SRPK2: variants seen among roughly 807,000 people sequenced by gnomAD.
SRPK2 encodes the protein SFRS protein kinase 2.
A neutral mutation model predicts 90.8 loss-of-function variants in SRPK2; 21 were observed. The observed-to-expected ratio is 0.23, with a 90% CI of 0.16 to 0.33. The LOEUF (loss-of-function observed/expected upper bound fraction) is 0.33, where lower values mean the gene tolerates loss of function less well. Among genes scored for constraint, SRPK2 ranks in the 10% least tolerant of loss-of-function variants. The pLI, the probability that SRPK2 is intolerant of heterozygous loss-of-function variation, is 1.00. For synonymous variants in SRPK2, 288 were observed against 311.1 expected (o/e 0.93, Z 0.78); for missense variants, 620 against 869.0 (o/e 0.71, Z 3.60).
chr7:105,325,538 T>C (rs1366071531), intron 2 of SRPK2, among the ~76,000 whole-genome samples: 1 of 114,260 alleles, frequency 8.8e-6, no homozygotes, highest in African/African-American at 3.4e-5. Flanking sequence ...CATTTTCCCC[T>C]AGTTTCTCAA....
At chr7:105,309,391 A>G (rs1250237868) in intron 2 of SRPK2, among the ~76,000 whole-genome samples, 2 of 152,230 alleles carry the variant, frequency 1.3e-5, no homozygotes, top group Non-Finnish European at 2.9e-5. Context: ...TCATTAAAGT[A>G]TCCTAGGATA....
intron 2 of SRPK2, among the ~76,000 whole-genome samples, chr7:105,276,124 G>A (rs530920700): frequency 2.6e-5 from 4 of 151,640 alleles, no homozygotes; most frequent in Admixed American, 6.6e-5. Flanking sequence ...CTCTGTCACC[G>A]AAGCTGGAGT....
At chr7:105,255,184 G>C (rs189289638) in intron 2 of SRPK2, among the ~76,000 whole-genome samples, 3 of 150,572 alleles carry the variant, frequency 2.0e-5, no homozygotes, top group African/African-American at 7.3e-5. Context: ...GAAAAGGTTT[G>C]GTTCTACCGG....
At chr7:105,139,866 A>C (rs555910579) in intron 11 of SRPK2, among the ~76,000 whole-genome samples, 1 of 151,580 alleles carries the variant, frequency 6.6e-6, no homozygotes, top group Non-Finnish European at 1.5e-5. Context: ...ACAGTTATTA[A>C]GTTTTGAGCT....
At chr7:105,389,069 C>T (rs1375454278), upstream of SRPK2, 14 of 967,600 alleles carry the variant, frequency 1.4e-5, no homozygotes, top group East Asian at 1.2e-4. Context: ...GCCCCACCCA[C>T]CTGTGCAGAA....
chr7:105,204,567 T>G, intron 2 of SRPK2: 1 of 462,908 alleles, frequency 2.2e-6, no homozygotes, highest in Admixed American at 2.6e-5. Flanking sequence ...GCTATCCCAC[T>G]AATAAAACTA....
At chr7:105,388,150 G>A (rs1821849909) in intron 2 of SRPK2, among the ~76,000 whole-genome samples, 1 of 152,266 alleles carries the variant, frequency 6.6e-6, no homozygotes, top group African/African-American at 2.4e-5. Flanking sequence ...ACAGGCGGGG[G>A]CCGGGGAGGA....
chr7:105,398,434 A>G (rs1396286550), intron 1 of SRPK2, among the ~76,000 whole-genome samples: 2 of 138,496 alleles, frequency 1.4e-5, no homozygotes, highest in African/African-American at 5.6e-5. Context: ...CTCAGGCTGG[A>G]GTGCAATGGC....
Position 105,396,370 on chromosome 7 carries a change from CT to C in SRPK2, n.153+2785del, listed in dbSNP as rs572160025. Among the ~76,000 whole-genome samples, 290 of 151,620 alleles carry C rather than the reference CT, an allele frequency of 1.9e-3. 1 individual carries two copies. The highest frequency in any genetic ancestry group is 6.8e-3 in the African/African-American group (281 of 41,402). ...GTTAAATGATAGCCAGGCGTGGTGG[CT>C]TCATGCCTGTAATCCCAGCACTTTG... On this transcript the variant is annotated intron_variant and non_coding_transcript_variant, in intron 1 of 3. Coordinates refer to the SRPK2 transcript ENST00000462282.
downstream of SRPK2, among the ~76,000 whole-genome samples, chr7:105,115,106 C>T (rs1584827021): frequency 1.3e-5 from 2 of 152,290 alleles, no homozygotes; most frequent in African/African-American, 4.8e-5. Context: ...TTTGTGTGAA[C>T]TGCAGAATCT....
At chr7:105,149,557 C>T (rs1245408563) in intron 7 of SRPK2, among the ~76,000 whole-genome samples, 5 of 152,138 alleles carry the variant, frequency 3.3e-5, no homozygotes, top group South Asian at 2.1e-4. Flanking sequence ...TCCCCTGGGC[C>T]CACTGTTGTT....
rs574726713 is a variant in SRPK2, at chr7:105,141,941, C to T, written c.1543+67G>A. On this transcript the variant is annotated intron_variant, in intron 11 of 15. Coordinates refer to ENST00000393651, the MANE Select transcript of SRPK2 (RefSeq NM_182692.3). ...TGGCCACTTCCAGCCAATTCCTTCA[C>T]AGCATTTGTTAAAGGCACGTCCCTG... is the stretch of plus-strand genomic sequence containing the variant. 5.2e-6 allele frequency: 8 copies of T among 1,529,046 alleles called. No homozygotes were observed. In the East Asian group the frequency reaches 9.0e-5, roughly 17 times the overall value. The allele number at this position is 1,529,046 out of a possible 1,614,324, so 94.7% of individuals were successfully genotyped here.
intron 2 of SRPK2, among the ~76,000 whole-genome samples, chr7:105,313,086 G>A (rs1385089533): frequency 6.6e-6 from 1 of 151,648 alleles, no homozygotes; most frequent in African/African-American, 2.4e-5. Flanking sequence ...AAGACAATCA[G>A]GCATTATATG....
chr7:105,156,833 T>C (rs1806571730), intron 7 of SRPK2, among the ~76,000 whole-genome samples: 1 of 152,150 alleles, frequency 6.6e-6, no homozygotes, highest in Non-Finnish European at 1.5e-5. Context: ...CTTTTATTGA[T>C]GATGAAATTG....
At chr7:105,142,918 C>T (rs975100772) in intron 10 of SRPK2, among the ~76,000 whole-genome samples, 166 bp downstream of exon 10, 1 of 152,218 alleles carries the variant, frequency 6.6e-6, no homozygotes, top group Non-Finnish European at 1.5e-5. Context: ...ATACAGTTCA[C>T]AAATGAAGTA....
At chr7:105,171,530 G>A (rs1161452840) in intron 3 of SRPK2, among the ~76,000 whole-genome samples, 1 of 152,198 alleles carries the variant, frequency 6.6e-6, no homozygotes, top group Non-Finnish European at 1.5e-5. Flanking sequence ...CTTGTGCCTA[G>A]TCTTAAGAGC....
intron 7 of SRPK2, among the ~76,000 whole-genome samples, chr7:105,150,989 A>C (rs537381638): frequency 1.6e-4 from 24 of 152,300 alleles, no homozygotes; most frequent in African/African-American, 5.8e-4. Flanking sequence ...CACAGTTAAG[A>C]GTTAATGTGC....
intron 2 of SRPK2, among the ~76,000 whole-genome samples, chr7:105,223,142 G>C (rs1798309631): frequency 6.6e-6 from 1 of 152,164 alleles, no homozygotes; most frequent in Non-Finnish European, 1.5e-5. Context: ...GGGACCACAA[G>C]ATCTCACAAC....
chr7:105,261,025 A>T (rs866753878), intron 2 of SRPK2, among the ~76,000 whole-genome samples: 3,629 of 146,030 alleles, frequency 0.025, 151 homozygotes, highest in African/African-American at 0.087. Flanking sequence ...TAGAAATTAA[A>T]AAAAAAAAAA....
Sources: allele counts gnomAD v4.1 joint callset (sites outside exome capture counted in the v4.1 genomes callset), GRCh38; gene constraint gnomAD v4.1.1; transcripts MANE v1.5; gene names NCBI Gene and HGNC (gene_info 2026-07-23, HGNC 2026-07-21).